KIF13B: variants seen among roughly 807,000 people sequenced by gnomAD.
The protein encoded by KIF13B is kinesin-like protein KIF13B.
A neutral mutation model predicts 222.0 loss-of-function variants in KIF13B; 127 were observed. The ratio of observed to expected loss-of-function variants is 0.57; its 90% CI spans 0.50 to 0.66. The LOEUF is 0.66. KIF13B is among the 30% of genes least tolerant of loss of function. The pLI is 0.00. For missense variants in KIF13B, 2,173 were observed against 2,379.0 expected, an observed-to-expected ratio of 0.91 and a Z score of 1.80; for synonymous variants, 976 against 919.0, an observed-to-expected ratio of 1.06 and a Z score of -1.12.
At chr8:29,221,387 G>A (rs1814743549) in intron 2 of KIF13B, among the ~76,000 whole-genome samples, 1 of 150,092 alleles carries the variant, frequency 6.7e-6, no homozygotes, top group South Asian at 2.2e-4. Flanking sequence ...ACAGGCATGA[G>A]CCACCGCACC....
chr8:29,103,904 G>T (rs910917931), intron 35 of KIF13B, among the ~76,000 whole-genome samples: 1 of 152,112 alleles, frequency 6.6e-6, no homozygotes, highest in Non-Finnish European at 1.5e-5. Context: ...TGCCTAATAC[G>T]ATTTGTCTTG....
In KIF13B at chr8:29,068,370, C is replaced by CT. The variant is rs1429228850; in HGVS notation, c.*2133dup. 6.6e-6 allele frequency: 1 copy of CT among 152,332 alleles called. No individual in the cohort carries two copies. Among genetic ancestry groups the CT allele is most frequent in the Admixed American group, 6.5e-5 (1 of 15,284 alleles). 9.4% of individuals were successfully genotyped at this position (152,332 alleles called of 1,614,324 possible). ...GCCCGGGGTCAGCGGGGCTCACTGC[C>CT]TTGGTGACCACGTCACTGCACATCC... On this transcript the variant is annotated 3_prime_UTR_variant, in exon 40 of 40. Coordinates refer to ENST00000524189, the MANE Select transcript of KIF13B (RefSeq NM_015254.4). This position sits in a 1 kb window ranked among gnomAD's most constrained non-coding sequence, Gnocchi z 4.4.
At chr8:29,123,048 G>A (rs533788503) in intron 28 of KIF13B, among the ~76,000 whole-genome samples, 2 of 152,124 alleles carry the variant, frequency 1.3e-5, no homozygotes, top group African/African-American at 2.4e-5. Context: ...TCTTATGACC[G>A]AACAGTCTTC....
chr8:29,093,628 A>G (rs909042703), intron 36 of KIF13B, among the ~76,000 whole-genome samples: 3 of 152,244 alleles, frequency 2.0e-5, no homozygotes, highest in Non-Finnish European at 4.4e-5. Context: ...AACTCCCCCC[A>G]GATCTCTTCT....
chr8:29,172,314 C>G (rs1812281340), intron 10 of KIF13B, among the ~76,000 whole-genome samples: 1 of 151,742 alleles, frequency 6.6e-6, no homozygotes, highest in South Asian at 2.1e-4. Context: ...GATCTCCTGA[C>G]CTGGCGATCC....
chr8:29,173,992 T>G (rs903952835), intron 10 of KIF13B, among the ~76,000 whole-genome samples: 1 of 151,768 alleles, frequency 6.6e-6, no homozygotes, highest in African/African-American at 2.4e-5. Flanking sequence ...AAAAAAAAAT[T>G]TTTTAAATAC....
At chr8:29,168,407 G>A (rs1812094923) in intron 10 of KIF13B, among the ~76,000 whole-genome samples, 1 of 152,190 alleles carries the variant, frequency 6.6e-6, no homozygotes, top group Non-Finnish European at 1.5e-5. Context: ...CCACAGACAA[G>A]GCTGCCTATG....
chr8:29,086,619 C>T (rs773531846), intron 37 of KIF13B, among the ~76,000 whole-genome samples: 12 of 152,198 alleles, frequency 7.9e-5, no homozygotes, highest in Non-Finnish European at 1.5e-4. Context: ...ACATGACTTG[C>T]TTGGTTTCCA....
At chr8:29,159,945 C>T (rs954765256) in intron 13 of KIF13B, among the ~76,000 whole-genome samples, 1 of 152,186 alleles carries the variant, frequency 6.6e-6, no homozygotes, top group Non-Finnish European at 1.5e-5. Flanking sequence ...CTTTCCTGGT[C>T]ATGTTCATTA....
intron 1 of KIF13B, among the ~76,000 whole-genome samples, chr8:29,250,987 C>G (rs1215065177): frequency 6.6e-6 from 1 of 151,988 alleles, no homozygotes; most frequent in Admixed American, 6.6e-5. Flanking sequence ...CCCATCTCTA[C>G]AAAAAATACA....
intron 10 of KIF13B, among the ~76,000 whole-genome samples, chr8:29,168,113 C>CA (rs939924530): frequency 6.6e-6 from 1 of 152,162 alleles, no homozygotes; most frequent in Non-Finnish European, 1.5e-5. Context: ...TATAGTCTCA[C>CA]AAAAAAGTAT....
chr8:29,212,228 T>C (rs144319059), intron 2 of KIF13B, among the ~76,000 whole-genome samples: 16 of 152,326 alleles, frequency 1.1e-4, no homozygotes, highest in East Asian at 3.9e-4. Context: ...ACATGGTAAG[T>C]ATGTTTATAC....
At chr8:29,097,787 G>A (rs1179519888) in intron 36 of KIF13B, among the ~76,000 whole-genome samples, 4 of 152,098 alleles carry the variant, frequency 2.6e-5, no homozygotes, top group African/African-American at 9.7e-5. Context: ...TGATAAACCT[G>A]TCAGAAAAGT....
rs1329308896 is a variant in KIF13B at position 29,126,593 on chromosome 8, C to T, written c.3223-82G>A. 11 of 818,594 alleles carry T rather than the reference C, an allele frequency of 1.3e-5. No individual in the cohort carries two copies. In the African/African-American group the frequency reaches 1.4e-4, roughly 10 times the overall value. The allele number at this position is 818,594 out of a possible 1,614,324, so 50.7% of individuals were successfully genotyped here. A position where few individuals can be genotyped will look rare whatever the true frequency, so the allele number is the denominator to read the frequency against. On this transcript the variant is annotated intron_variant, in intron 25 of 39. Coordinates refer to ENST00000524189, the MANE Select transcript of KIF13B (RefSeq NM_015254.4). ...CTACGCTAAACAATCTGACTCTTTA[C>T]CCATAATTTATATTTTCCAATTGAA...
intron 3 of KIF13B, among the ~76,000 whole-genome samples, chr8:29,191,730 T>C (rs531094022): frequency 6.6e-6 from 1 of 152,364 alleles, no homozygotes; most frequent in African/African-American, 2.4e-5. Context: ...ATCACATAGT[T>C]CTTTTGCACT....
In KIF13B at chr8:29,068,006, G is replaced by A. The variant is rs564341661; in HGVS notation, c.*2498C>T. The A allele has an allele frequency of 6.6e-6, 1 of 152,284 alleles. No homozygotes were observed. The highest frequency in any genetic ancestry group is 1.5e-5 in the Non-Finnish European group (1 of 68,134). 9.4% of individuals were successfully genotyped at this position (152,284 alleles called of 1,614,324 possible). A position where few individuals can be genotyped will look rare whatever the true frequency, so the allele number is the denominator to read the frequency against. Reference sequence around the variant, plus strand: ...CCCTGGAGCCTCAGTCCTTCATAAGGGCCCGAGGGAAGTGGCGGGGTGGGG... The same window carrying A: ...CCCTGGAGCCTCAGTCCTTCATAAGAGCCCGAGGGAAGTGGCGGGGTGGGG... On this transcript the variant is annotated 3_prime_UTR_variant, in exon 40 of 40. Transcript: ENST00000524189. This position sits in a 1 kb window ranked among gnomAD's most constrained non-coding sequence, Gnocchi z 4.4.
chr8:29,182,291 C>T (rs576663541), intron 6 of KIF13B, among the ~76,000 whole-genome samples: 11 of 152,308 alleles, frequency 7.2e-5, no homozygotes, highest in African/African-American at 2.6e-4. Flanking sequence ...ATCTATTTGT[C>T]TTACAGAGAA....
chr8:29,148,746 T>C lies in KIF13B; in HGVS notation c.1644A>G (p.Lys548=). Reference sequence around the variant, plus strand: ...CCTCATCCTCTCGTTCTGCTTTCTTTTTCTTTTTAGGCAAATTGAGTCTTG... The same window carrying C: ...CCTCATCCTCTCGTTCTGCTTTCTTCTTCTTTTTAGGCAAATTGAGTCTTG... ...HFFRLNLPKK[K]KKAEREDEDQ... The change falls in exon 16 of 40, where the codon AAA becomes AAG. Residue 548 remains lysine (K), a synonymous_variant. Transcript: ENST00000524189. 1.3e-6 allele frequency: 2 copies of C among 1,598,664 alleles called. No homozygotes were observed. Among genetic ancestry groups the C allele is most frequent in the Non-Finnish European group, 1.7e-6 (2 of 1,173,594 alleles).
At chr8:29,173,466 G>GAAA (rs57480607) in intron 10 of KIF13B, among the ~76,000 whole-genome samples, 9 of 140,364 alleles carry the variant, frequency 6.4e-5, no homozygotes, top group African/African-American at 1.6e-4. Flanking sequence ...ACTAAAAATT[G>GAAA]AAAAAAAAAA....
Sources: gnomAD v4.1 joint callset for allele counts (sites outside exome capture counted in the v4.1 genomes callset) on GRCh38, gnomAD v4.1.1 for gene constraint, Gnocchi (gnomAD v3.1) non-coding constraint, MANE v1.5 for transcripts, NCBI Gene and HGNC (gene_info 2026-07-23, HGNC 2026-07-21) for gene names.